The following PRRG2 variants were observed in gnomAD, a reference collection of about 807,000 sequenced individuals.
PRRG2 encodes proline rich and Gla domain 2, also known as transmembrane gamma-carboxyglutamic acid protein 2.
Under a neutral mutation model 27.1 loss-of-function variants are expected in PRRG2, and 23 were observed. The ratio of observed to expected loss-of-function variants is 0.85; its 90% CI spans 0.61 to 1.20. PRRG2 has a LOEUF of 1.20. Ranked by LOEUF, PRRG2 falls within the 50% of genes most tolerant of loss-of-function variation. The pLI is 0.00. For missense variants in PRRG2, 276 were observed against 254.8 expected (o/e 1.08, Z -0.57); for synonymous variants, 104 against 103.4 (o/e 1.01, Z -0.03).
At chr19:49,584,515 C>A (rs1268606423) in intron 4 of PRRG2, among the ~76,000 whole-genome samples, 1 of 152,156 alleles carries the variant, frequency 6.6e-6, no homozygotes, top group Non-Finnish European at 1.5e-5. Flanking sequence ...GTCACCCAGG[C>A]TGGAGTGCTG....
chr19:49,584,563 G>T (rs1012585501), intron 4 of PRRG2, among the ~76,000 whole-genome samples: 6 of 152,098 alleles, frequency 3.9e-5, no homozygotes, highest in Admixed American at 3.9e-4. Flanking sequence ...CAACCTCCCG[G>T]GCTCAAGCGA....
Position 49,590,390 on chromosome 19 carries a change from AGAGCTGCTTTCGAGACCCGGCTCT to A in PRRG2, c.*2_*25del. On this transcript the variant is annotated 3_prime_UTR_variant, in exon 7 of 7. Coordinates refer to ENST00000246794, the MANE Select transcript of PRRG2 (RefSeq NM_000951.3). Reference sequence around the variant, plus strand: ...TTGCAGCCTCAGGAGGCCTCACTGAAGAGCTGCTTTCGAGACCCGGCTCTCCGAACCGTGCCCCTGATTCATACC... The same window carrying A: ...TTGCAGCCTCAGGAGGCCTCACTGAACCGAACCGTGCCCCTGATTCATACC... 1 of 1,614,092 alleles carries A rather than the reference AGAGCTGCTTTCGAGACCCGGCTCT, an allele frequency of 6.2e-7. No homozygotes were observed. The highest frequency in any genetic ancestry group is 2.2e-5 in the East Asian group (1 of 44,880).
In PRRG2 at chr19:49,583,683, A is replaced by G. The variant is rs552132376; in HGVS notation, c.227A>G (p.Glu76Gly). The G allele has an allele frequency of 1.2e-6, 2 of 1,614,134 alleles. No individual in the cohort carries two copies. Among genetic ancestry groups the G allele is most frequent in the African/African-American group, 2.7e-5 (2 of 75,046 alleles). The change falls in exon 3 of 7, where the codon GAG (glutamate) becomes GGG (glycine). Residue 76 changes from glutamate (E) to glycine (G), a missense_variant. By Grantham distance (98) the Glu-to-Gly change is moderately conservative (BLOSUM62 -2). Transcript: ENST00000246794. Reference sequence around the variant, plus strand: ...CTGGAAGAGAGGTGTTCCTGGGAAGAGGCCAGGGAGTATTTTGAGGACAAC... The same window carrying G: ...CTGGAAGAGAGGTGTTCCTGGGAAGGGGCCAGGGAGTATTTTGAGGACAAC... The part of the protein sequence containing the change: ...ECLEERCSWE[E>G]AREYFEDNTL...
At chr19:49,581,829 C>T (rs10414207) in intron 1 of PRRG2, among the ~76,000 whole-genome samples, 9,317 of 152,216 alleles carry the variant, frequency 0.061, 296 homozygotes, top group South Asian at 0.12. Context: ...GCTTTCTTCT[C>T]TGGCGGACAC....
intron 3 of PRRG2, 85 bp downstream of exon 3, chr19:49,583,802 AG>A: frequency 6.2e-7 from 1 of 1,606,398 alleles, no homozygotes; most frequent in Non-Finnish European, 8.5e-7. Context: ...TCTGGCCTTC[AG>A]CTCCCTCCTC....
At chr19:49,582,457 T>C (rs1356983949) in intron 1 of PRRG2, among the ~76,000 whole-genome samples, 1 of 151,622 alleles carries the variant, frequency 6.6e-6, no homozygotes, top group African/African-American at 2.4e-5. Context: ...GTATGACTCC[T>C]GTGAAAAGTA....
chr19:49,588,619 C>A lies in PRRG2; in HGVS notation c.424C>A (p.Pro142Thr), dbSNP rs1305559354. The A allele has an allele frequency of 2.6e-6, 4 of 1,539,752 alleles. No homozygotes were observed. Among genetic ancestry groups the A allele is most frequent in the Non-Finnish European group, 3.5e-6 (4 of 1,145,678 alleles). The part of the protein sequence containing the change: ...LRWRQHRGQQ[P>T]CPQEAGLISP... ...CTGGCGACAGCACCGAGGCCAGCAG[C>A]CCTGTCCCCAAGAGTAAGGGGGCTT... The change falls in exon 5 of 7, where the codon CCC becomes ACC. Residue 142 changes from proline to threonine, a missense_variant. By Grantham distance (38) the Pro-to-Thr change is conservative. Coordinates refer to ENST00000246794, the MANE Select transcript of PRRG2 (RefSeq NM_000951.3).
At chr19:49,588,812 C>T (rs1485227876) in intron 5 of PRRG2, among the ~76,000 whole-genome samples, 180 bp downstream of exon 5, 1 of 152,166 alleles carries the variant, frequency 6.6e-6, no homozygotes. Context: ...GACTGTCGCT[C>T]TGTCTGGATC....
In PRRG2 at chr19:49,590,387, T is replaced by A. The variant is rs1158069447; in HGVS notation, c.607T>A (p.Ter203ArgextTer14). 1 of 1,614,106 alleles carries A rather than the reference T, an allele frequency of 6.2e-7. No homozygotes were observed. Among genetic ancestry groups the A allele is most frequent in the Non-Finnish European group, 8.5e-7 (1 of 1,179,990 alleles). The change falls in exon 7 of 7, where the codon TGA (stop) becomes AGA (arginine). Residue 203 changes from the stop codon to arginine, a stop_lost. Coordinates refer to ENST00000246794, the MANE Select transcript of PRRG2 (RefSeq NM_000951.3). Reference protein sequence around the residue: ...PPYTSLRRPH* With the variant: ...PPYTSLRRPHR ...CTCTTGCAGCCTCAGGAGGCCTCAC[T>A]GAAGAGCTGCTTTCGAGACCCGGCT...
intron 4 of PRRG2, 139 bp downstream of exon 4, chr19:49,584,091 C>A: frequency 2.4e-6 from 2 of 848,056 alleles, no homozygotes; most frequent in Non-Finnish European, 1.8e-6. Context: ...AAGCTGGCTG[C>A]TAAAGGAGTT....
chr19:49,581,916 C>T (rs1172306967), intron 1 of PRRG2, among the ~76,000 whole-genome samples: 1 of 152,046 alleles, frequency 6.6e-6, no homozygotes, highest in Non-Finnish European at 1.5e-5. Flanking sequence ...CTCTGTGCCT[C>T]AGTTTCCTGT....
At chr19:49,582,901 C>T (rs1387547851) in intron 1 of PRRG2, among the ~76,000 whole-genome samples, 2 of 151,358 alleles carry the variant, frequency 1.3e-5, no homozygotes, top group Non-Finnish European at 2.9e-5. Flanking sequence ...TGTGGTGGCG[C>T]ATGCCTGTAA....
At position 49,583,590 on chromosome 19, in the gene PRRG2, C is replaced by CCCGG; in HGVS notation, c.135_138dup (p.Ile47ProfsTer37). 6.2e-7 allele frequency: 1 copy of CCCGG among 1,614,224 alleles called. No homozygotes were observed. Among genetic ancestry groups the CCCGG allele is most frequent in the Non-Finnish European group, 8.5e-7 (1 of 1,180,042 alleles). The stretch of plus-strand genomic sequence containing the variant: ...GCCCAGAGCTTCCTGAGTAGCCATA[C>CCCGG]CCGGATTCCAAGAGCCAACCACTGG... On this transcript the variant is annotated frameshift_variant, in exon 3 of 7. Coordinates refer to ENST00000246794, the MANE Select transcript of PRRG2 (RefSeq NM_000951.3). LOFTEE classifies it high-confidence loss of function.
chr19:49,582,490 G>A (rs996423670), intron 1 of PRRG2, among the ~76,000 whole-genome samples: 2 of 152,122 alleles, frequency 1.3e-5, no homozygotes, highest in East Asian at 2.0e-4. Context: ...GCCGGGCACA[G>A]TGGCTCACGC....
rs2080718193 is a variant in PRRG2 at position 49,591,003 on chromosome 19, G to A, written c.*614G>A. 1.3e-5 allele frequency: 2 copies of A among 152,080 alleles called. No individual in the cohort carries two copies. The highest frequency in any genetic ancestry group is 1.9e-4 in the South Asian group (1 of 5,178). 9.4% of individuals were successfully genotyped at this position (152,080 alleles called of 1,614,324 possible). A position where few individuals can be genotyped will look rare whatever the true frequency, so the allele number is the denominator to read the frequency against. Reference sequence around the variant, plus strand: ...AAAAAATAATAATGAAATGAACTGCGATCCCGGGCGCATCGGAACTGGTTT... The same window carrying A: ...AAAAAATAATAATGAAATGAACTGCAATCCCGGGCGCATCGGAACTGGTTT... On this transcript the variant is annotated 3_prime_UTR_variant, in exon 7 of 7. Transcript: ENST00000246794.
chr19:49,584,097 G>A, intron 4 of PRRG2, 145 bp downstream of exon 4: 1 of 788,086 alleles, frequency 1.3e-6, no homozygotes, highest in Non-Finnish European at 1.9e-6. Context: ...GCTGCTAAAG[G>A]AGTTCCCTCC....
At chr19:49,586,140 G>A (rs905889655) in intron 4 of PRRG2, among the ~76,000 whole-genome samples, 5 of 151,126 alleles carry the variant, frequency 3.3e-5, no homozygotes, top group African/African-American at 1.2e-4. Flanking sequence ...GGAGTGCAGT[G>A]GCACGATGAC....
rs1390811276 is a variant in PRRG2, at chr19:49,590,407, C to A, written c.*18C>A. On this transcript the variant is annotated 3_prime_UTR_variant, in exon 7 of 7. Coordinates refer to ENST00000246794, the MANE Select transcript of PRRG2 (RefSeq NM_000951.3). ...CTCACTGAAGAGCTGCTTTCGAGAC[C>A]CGGCTCTCCGAACCGTGCCCCTGAT... is the stretch of plus-strand genomic sequence containing the variant. 7 of 1,613,936 alleles carry A rather than the reference C, an allele frequency of 4.3e-6. No homozygotes were observed. In the East Asian group the frequency reaches 1.3e-4, roughly 31 times the overall value.
At position 49,589,916 on chromosome 19, in the gene PRRG2, CCT is replaced by C; in HGVS notation, c.457_458del (p.Leu153GlufsTer26). On this transcript the variant is annotated frameshift_variant, in exon 6 of 7. Transcript: ENST00000246794. LOFTEE classifies it high-confidence loss of function. ...TGTCCCCAGGGCCGGGCTCATTAGC[CCT>C]CTGAGTCCTTTGAACCCTCTGGGCC... ...PCPQEAGLIS[P>X]LSPLNPLGPP... 3 of 1,612,812 alleles carry C rather than the reference CCT, an allele frequency of 1.9e-6. No individual in the cohort carries two copies. Among genetic ancestry groups the C allele is most frequent in the East Asian group, 2.2e-5 (1 of 44,880 alleles).
Sources: gnomAD v4.1 joint callset for allele counts (sites outside exome capture counted in the v4.1 genomes callset) on GRCh38, gnomAD v4.1.1 for gene constraint, MANE v1.5 for transcripts, NCBI Gene and HGNC (gene_info 2026-07-23, HGNC 2026-07-21) for gene names.